PCDHA4: variants seen among roughly 807,000 people sequenced by gnomAD.
The protein encoded by PCDHA4 is protocadherin alpha 4.
PCDHA4 carries 49 observed loss-of-function variants against 61.4 expected under a neutral mutation model. That is an observed-to-expected ratio of 0.80 (90% confidence interval 0.63 to 1.01). The LOEUF is 1.01. Among genes scored for constraint, PCDHA4 ranks in the 50% least tolerant of loss-of-function variants. The pLI is 0.00. For missense variants in PCDHA4, 1,254 were observed against 1,235.8 expected (o/e 1.01, Z -0.22); for synonymous variants, 590 against 550.3 (o/e 1.07, Z -1.01).
At chr5:140,991,101 T>C (rs1281707030) in intron 3 of PCDHA4, among the ~76,000 whole-genome samples, 3 of 152,218 alleles carry the variant, frequency 2.0e-5, no homozygotes, top group African/African-American at 4.8e-5. Flanking sequence ...CTCATAAGAA[T>C]TAAGTGGCTT....
intron 3 of PCDHA4, among the ~76,000 whole-genome samples, chr5:141,007,768 A>C (rs1457934171): frequency 2.0e-5 from 3 of 152,212 alleles, no homozygotes; most frequent in Non-Finnish European, 2.9e-5. Context: ...ATTGGCCTGG[A>C]AATGGTACTG....
intron 1 of PCDHA4, chr5:140,841,595 C>A (rs2150318765): frequency 1.9e-6 from 3 of 1,614,058 alleles, no homozygotes; most frequent in Non-Finnish European, 2.5e-6. Flanking sequence ...TCGGATCGAC[C>A]GCGAGGAGCT....
intron 1 of PCDHA4, among the ~76,000 whole-genome samples, chr5:140,934,142 T>C (rs1359446492): frequency 1.3e-5 from 2 of 152,170 alleles, no homozygotes; most frequent in African/African-American, 4.8e-5. Context: ...TTTCCTTCCT[T>C]ATATGTTTAT....
At chr5:140,828,950 G>A (rs2150161338) in intron 1 of PCDHA4, 72 of 1,614,042 alleles carry the variant, frequency 4.5e-5, no homozygotes, top group Admixed American at 1.5e-4. Context: ...CCTTGTTGCA[G>A]CCATGGTTAT....
intron 1 of PCDHA4, chr5:140,967,347 A>G: frequency 6.2e-7 from 1 of 1,608,324 alleles, no homozygotes; most frequent in South Asian, 1.1e-5. Flanking sequence ...GAGCACTTCG[A>G]GCTGGACCTT....
chr5:141,008,074 G>A (rs1484978543), intron 3 of PCDHA4, among the ~76,000 whole-genome samples: 1 of 151,988 alleles, frequency 6.6e-6, no homozygotes, highest in Non-Finnish European at 1.5e-5. Flanking sequence ...AGAACTTATT[G>A]GGGTTATTCT....
At chr5:140,846,239 T>G (rs1183572722) in intron 1 of PCDHA4, among the ~76,000 whole-genome samples, 1 of 149,652 alleles carries the variant, frequency 6.7e-6, no homozygotes, top group Non-Finnish European at 1.5e-5. Flanking sequence ...TAAAAAGAAG[T>G]ATACAATAAT....
chr5:140,982,795 A>ATGTG (rs60616196), intron 3 of PCDHA4, among the ~76,000 whole-genome samples: 1 of 151,628 alleles, frequency 6.6e-6, no homozygotes, highest in African/African-American at 2.4e-5. Context: ...GCATGTGTGC[A>ATGTG]TGTGTGTGTG....
intron 1 of PCDHA4, among the ~76,000 whole-genome samples, chr5:140,897,693 G>A (rs1327367730): frequency 6.6e-6 from 1 of 152,008 alleles, no homozygotes; most frequent in African/African-American, 2.4e-5. Context: ...TAGTCCTTTG[G>A]GCATATACCC....
chr5:140,883,313 G>T, intron 1 of PCDHA4: 1 of 1,614,118 alleles, frequency 6.2e-7, no homozygotes, highest in Non-Finnish European at 8.5e-7. Context: ...TAACGCCCCA[G>T]AGGTTACCAT....
At chr5:140,857,819 G>A in intron 1 of PCDHA4, 1 of 1,597,752 alleles carries the variant, frequency 6.3e-7, no homozygotes, top group Non-Finnish European at 8.6e-7. Context: ...TCACGTGGTG[G>A]CTAAGGTGCG....
chr5:140,821,632 A>C, intron 1 of PCDHA4: 7 of 971,634 alleles, frequency 7.2e-6, no homozygotes, highest in Non-Finnish European at 1.0e-5. Flanking sequence ...TTAGACAGAA[A>C]GGAAAAGAAC....
intron 1 of PCDHA4, chr5:140,843,106 C>T: frequency 1.9e-6 from 3 of 1,595,704 alleles, no homozygotes; most frequent in Non-Finnish European, 2.6e-6. Context: ...CGAAGGTGCG[C>T]GCAGTGGACG....
intron 1 of PCDHA4, among the ~76,000 whole-genome samples, chr5:140,827,206 A>G (rs1769216387): frequency 6.6e-6 from 1 of 152,196 alleles, no homozygotes; most frequent in South Asian, 2.1e-4. Flanking sequence ...AGTGAGTGAG[A>G]ACAATTAAAG....
chr5:140,994,665 A>G (rs555985538), intron 3 of PCDHA4, among the ~76,000 whole-genome samples: 1 of 152,294 alleles, frequency 6.6e-6, no homozygotes, highest in East Asian at 1.9e-4. Flanking sequence ...AGATCACACT[A>G]CTGCACTCCA....
intron 1 of PCDHA4, chr5:140,852,198 T>G (rs2150513327): frequency 1.4e-6 from 1 of 691,814 alleles, no homozygotes; most frequent in Non-Finnish European, 1.8e-6. Context: ...CCAGTAACGT[T>G]TATTTAAAAC....
chr5:140,980,734 T>C (rs2096903764), intron 2 of PCDHA4, among the ~76,000 whole-genome samples: 3 of 151,998 alleles, frequency 2.0e-5, no homozygotes, highest in African/African-American at 4.8e-5. Context: ...TAAGATATTA[T>C]GAGATTTGAG....
chr5:140,896,391 A>G (rs1438393041), intron 1 of PCDHA4, among the ~76,000 whole-genome samples: 2 of 152,040 alleles, frequency 1.3e-5, no homozygotes, highest in Non-Finnish European at 2.9e-5. Context: ...CCTCACCAGC[A>G]TCTGTTATTT....
At chr5:140,856,403 G>T in intron 1 of PCDHA4, 2 of 1,598,562 alleles carry the variant, frequency 1.3e-6, no homozygotes, top group South Asian at 2.2e-5. Context: ...TTTCCATGTG[G>T]ACGTGGAAGT....
Sources: allele counts gnomAD v4.1 joint callset (sites outside exome capture counted in the v4.1 genomes callset), GRCh38; gene constraint gnomAD v4.1.1; transcripts MANE v1.5; gene names NCBI Gene and HGNC (gene_info 2026-07-23, HGNC 2026-07-21).